Variants in NXPE1 observed in about 807,000 individuals in gnomAD.
NXPE1 encodes the protein neurexophilin and PC-esterase domain family member 1, also known as NXPE family member 1.
Under a neutral mutation model 33.3 loss-of-function variants are expected in NXPE1, and 31 were observed. The ratio of observed to expected loss-of-function variants is 0.93; its 90% CI spans 0.70 to 1.26. NXPE1 has a LOEUF of 1.26. Ranked by LOEUF, NXPE1 falls within the 50% of genes most tolerant of loss-of-function variation. The pLI is 0.00. For missense variants in NXPE1, 661 were observed against 655.6 expected (o/e 1.01, Z -0.09); for synonymous variants, 229 against 231.4 (o/e 0.99, Z 0.09).
At chr11:114,529,079 A>T in intron 6 of NXPE1, 1 of 358,028 alleles carries the variant, frequency 2.8e-6, no homozygotes. Context: ...CTCTTAGCAT[A>T]TTTTTTTTGA....
At chr11:114,534,162 C>T (rs1947700590) in intron 5 of NXPE1, among the ~76,000 whole-genome samples, 2 of 152,192 alleles carry the variant, frequency 1.3e-5, no homozygotes, top group Admixed American at 1.3e-4. Flanking sequence ...ACTGCTGATA[C>T]CCAGGCAAAC....
intron 5 of NXPE1, among the ~76,000 whole-genome samples, chr11:114,536,540 C>G (rs905583154): frequency 8.6e-5 from 13 of 151,850 alleles, no homozygotes; most frequent in Non-Finnish European, 1.9e-4. Context: ...GCTAGCAAGA[C>G]TAATAAAGAA....
chr11:114,532,164 T>C (rs528864087), intron 5 of NXPE1, among the ~76,000 whole-genome samples: 1 of 152,292 alleles, frequency 6.6e-6, no homozygotes, highest in African/African-American at 2.4e-5. Context: ...ACCCTTGTGA[T>C]TGGTAACAAA....
intron 1 of NXPE1, among the ~76,000 whole-genome samples, chr11:114,557,531 T>A (rs1179175035): frequency 1.3e-5 from 2 of 150,964 alleles, no homozygotes; most frequent in Admixed American, 1.3e-4. Flanking sequence ...GCTCAAGTGA[T>A]CCTTCTACCT....
chr11:114,526,217 G>T (rs1176379558), intron 7 of NXPE1, among the ~76,000 whole-genome samples: 1 of 152,162 alleles, frequency 6.6e-6, no homozygotes, highest in Non-Finnish European at 1.5e-5. Flanking sequence ...ACATGCTCCT[G>T]CTCTACCTTG....
rs765503759 is a variant in NXPE1, at chr11:114,522,865, A to ATTCTAAG, written c.1108+13_1108+14insCTTAGAA. On this transcript the variant is annotated intron_variant, in intron 8 of 8. Coordinates refer to ENST00000534921, the Ensembl canonical transcript of NXPE1. The stretch of plus-strand genomic sequence containing the variant: ...CAGCCTGAATTTCTAAGAGAATATA[A>ATTCTAAG]AGTAACTACCTACTTTTTACAACTT... The ATTCTAAG allele has an allele frequency of 6.4e-7, 1 of 1,572,068 alleles. No homozygotes were observed. The highest frequency in any genetic ancestry group is 2.2e-5 in the East Asian group (1 of 44,590).
chr11:114,537,547 C>A (rs947704302), intron 5 of NXPE1, among the ~76,000 whole-genome samples: 6 of 152,062 alleles, frequency 3.9e-5, no homozygotes, highest in South Asian at 2.1e-4. Flanking sequence ...GTCTCAGCCC[C>A]AAATCTCCTC....
downstream of NXPE1, among the ~76,000 whole-genome samples, chr11:114,520,238 C>T (rs1947182503): frequency 6.6e-6 from 1 of 152,120 alleles, no homozygotes; most frequent in African/African-American, 2.4e-5. Flanking sequence ...CAAGTTTGTA[C>T]CCTTTGACCT....
In NXPE1 at chr11:114,530,556, C is replaced by T. The variant is rs45596232; in HGVS notation, c.452G>A (p.Gly151Asp). Residue 151 changes from glycine (G) to aspartate (D), a missense_variant, in exon 6 of 9, where the codon GGT (glycine) becomes GAT (aspartate). Physicochemically the swap from Gly to Asp is moderately conservative, Grantham distance 94 (BLOSUM62 -1). Transcript: ENST00000534921. ...GAAGTCCATCACCTTTCCTGAAGCA[C>T]CTGCCGTCAGTGCTGGGGAGGACAT... The T allele has an allele frequency of 2.2e-3, 3,563 of 1,613,984 alleles. 13 individuals carry two copies. Among genetic ancestry groups the T allele is most frequent in the South Asian group, 5.4e-3 (492 of 91,054 alleles).
intron 5 of NXPE1, 134 bp from the exon 6 acceptor site, chr11:114,531,042 G>C (rs1355466090): frequency 2.1e-6 from 2 of 939,000 alleles, no homozygotes; most frequent in Non-Finnish European, 2.9e-6. Flanking sequence ...TGAATATTTG[G>C]TAATAAAGTG....
rs552851525 is a variant in NXPE1 at position 114,530,918 on chromosome 11, C to G, written c.100-10G>C. The stretch of plus-strand genomic sequence containing the variant: ...TTAGAGCAGACCAAAGCTGAAATGA[C>G]AAGGATTGTGATATACTATGAAATT... On this transcript the variant is annotated splice_polypyrimidine_tract_variant and intron_variant, in intron 5 of 8. Transcript: ENST00000534921. The G allele has an allele frequency of 1.3e-6, 2 of 1,594,760 alleles. No homozygotes were observed. The highest frequency in any genetic ancestry group is 2.7e-5 in the African/African-American group (2 of 74,482).
intron 5 of NXPE1, among the ~76,000 whole-genome samples, chr11:114,539,514 G>A (rs1026898129): frequency 2.6e-5 from 4 of 152,002 alleles, no homozygotes; most frequent in African/African-American, 4.8e-5. Flanking sequence ...ATTTTTTAAA[G>A]GTCTGAATGA....
intron 5 of NXPE1, among the ~76,000 whole-genome samples, chr11:114,546,237 G>T (rs1408667101): frequency 6.6e-6 from 1 of 152,148 alleles, no homozygotes; most frequent in Non-Finnish European, 1.5e-5. Flanking sequence ...GTATGTGTAT[G>T]CTGGGAGATG....
intron 4 of NXPE1, 24 bp downstream of exon 4, chr11:114,551,359 C>G (rs550114973): frequency 1.4e-6 from 2 of 1,414,886 alleles, no homozygotes; most frequent in Admixed American, 5.7e-5. Context: ...ACTAACAACT[C>G]ATACCCCCAA....
chr11:114,525,188 G>A (rs914817940), intron 7 of NXPE1, among the ~76,000 whole-genome samples: 2 of 151,602 alleles, frequency 1.3e-5, no homozygotes, highest in East Asian at 1.9e-4. Flanking sequence ...TAAATGTTTC[G>A]AGAAACTGGA....
At chr11:114,522,552 T>C (rs1565294849) in intron 8 of NXPE1, 49 bp from the exon 9 acceptor site, 1 of 1,433,466 alleles carries the variant, frequency 7.0e-7, no homozygotes, top group Non-Finnish European at 9.4e-7. Context: ...ATGGTTAATA[T>C]TCATGAAAAA....
At chr11:114,549,423 T>C (rs1344208890) in intron 5 of NXPE1, among the ~76,000 whole-genome samples, 1 of 152,038 alleles carries the variant, frequency 6.6e-6, no homozygotes, top group Non-Finnish European at 1.5e-5. Flanking sequence ...AGAGTTTTAT[T>C]CCAGGAATAC....
intron 1 of NXPE1, among the ~76,000 whole-genome samples, chr11:114,556,677 T>A (rs1948655085): frequency 6.6e-6 from 1 of 152,024 alleles, no homozygotes; most frequent in Non-Finnish European, 1.5e-5. Flanking sequence ...TTCTAGTGCT[T>A]TCATATCATT....
intron 1 of NXPE1, among the ~76,000 whole-genome samples, chr11:114,556,833 C>G (rs1193574843): frequency 1.3e-5 from 2 of 151,360 alleles, no homozygotes; most frequent in African/African-American, 4.9e-5. Flanking sequence ...GTAATTTTAT[C>G]TTACTATTTG....
Sources: gnomAD v4.1 joint callset for allele counts (sites outside exome capture counted in the v4.1 genomes callset) on GRCh38, gnomAD v4.1.1 for gene constraint, MANE v1.5 for transcripts, NCBI Gene and HGNC (gene_info 2026-07-23, HGNC 2026-07-21) for gene names.